The following NFAM1 variants were observed in gnomAD, a reference collection of about 807,000 sequenced individuals.
NFAM1 encodes the protein NFAT activating protein with ITAM motif 1.
Under a neutral mutation model 29.0 loss-of-function variants are expected in NFAM1, and 17 were observed. The observed-to-expected ratio is 0.59, with a 90% CI of 0.40 to 0.88. The LOEUF (loss-of-function observed/expected upper bound fraction) is 0.88, where lower values mean the gene tolerates loss of function less well. Ranked by LOEUF, NFAM1 falls within the 40% of genes least tolerant of loss-of-function variation. The pLI, the probability that NFAM1 is intolerant of heterozygous loss-of-function variation, is 0.00. For missense variants in NFAM1, 324 were observed against 344.6 expected, an observed-to-expected ratio of 0.94 and a Z score of 0.47; for synonymous variants, 175 against 147.2, an observed-to-expected ratio of 1.19 and a Z score of -1.36.
At chr22:42,416,656 G>A (rs757872832) in intron 1 of NFAM1, among the ~76,000 whole-genome samples, 13 of 152,174 alleles carry the variant, frequency 8.5e-5, no homozygotes, top group Non-Finnish European at 1.3e-4. Flanking sequence ...GGCCTGCCCC[G>A]GGGGTGCCTG....
At chr22:42,387,838 C>T (rs1206414564) in intron 4 of NFAM1, among the ~76,000 whole-genome samples, 1 of 152,200 alleles carries the variant, frequency 6.6e-6, no homozygotes, top group Non-Finnish European at 1.5e-5. Flanking sequence ...CCCCCCATAG[C>T]CCAAGCCTCC....
chr22:42,421,677 G>A (rs899041780), intron 1 of NFAM1, among the ~76,000 whole-genome samples: 2 of 152,272 alleles, frequency 1.3e-5, no homozygotes, highest in South Asian at 4.1e-4. Context: ...AGTCAAGGGC[G>A]TGAGGACCCA....
rs367728455 is a variant in NFAM1, at chr22:42,387,251, C to T, written c.664-173G>A. 8.8e-4 allele frequency among the ~76,000 whole-genome samples: 134 copies of T among 152,250 alleles called. 2 individuals are homozygous for T. Among genetic ancestry groups the T allele is most frequent in the African/African-American group, 3.1e-3 (127 of 41,532 alleles). On this transcript the variant is annotated intron_variant, in intron 4 of 5. Transcript: ENST00000329021. ...CTTTCCCAGAGTCACCTTTCCCCTT[C>T]CCTGCCTGTAAAGGGCTGACCCCTC...
intron 1 of NFAM1, among the ~76,000 whole-genome samples, chr22:42,427,665 A>T (rs886656359): frequency 2.6e-5 from 4 of 152,202 alleles, no homozygotes; most frequent in African/African-American, 9.7e-5. Context: ...TAGCAACAAA[A>T]CGAACTTCAG....
Position 42,411,688 on chromosome 22 carries a change from G to T in NFAM1, c.170C>A (p.Ala57Asp). 6.2e-7 allele frequency: 1 copy of T among 1,614,106 alleles called. No individual in the cohort carries two copies. Among genetic ancestry groups the T allele is most frequent in the Non-Finnish European group, 8.5e-7 (1 of 1,179,948 alleles). ...GCAGCTGAAGGAGATAGCTGTGTTG[G>T]CCAGGGAGGCCATGATGGGCAGGCC... Reference protein sequence around the residue: ...HTGLPIMASLANTAISFSCRI... With the variant: ...HTGLPIMASLDNTAISFSCRI... Residue 57 changes from alanine to aspartate, a missense_variant, in exon 2 of 6, where the codon GCC becomes GAC. By Grantham distance (126) the Ala-to-Asp change is moderately radical. Coordinates refer to ENST00000329021, the MANE Select transcript of NFAM1 (RefSeq NM_145912.8).
At chr22:42,390,836 A>AAAAG (rs71184886) in intron 4 of NFAM1, among the ~76,000 whole-genome samples, 1 of 136,568 alleles carries the variant, frequency 7.3e-6, no homozygotes. Context: ...AAAAAAAAAA[A>AAAAG]GAGGGAGCAG....
At position 42,431,077 on chromosome 22, in the gene NFAM1, T is replaced by C. The variant is rs1387928841; in HGVS notation, c.121+1160A>G. 2.6e-5 allele frequency among the ~76,000 whole-genome samples: 4 copies of C among 152,168 alleles called. No homozygotes were observed. The East Asian group carries it at 7.7e-4, about 29-fold the overall frequency. On this transcript the variant is annotated intron_variant, in intron 1 of 5. Coordinates refer to ENST00000329021, the MANE Select transcript of NFAM1 (RefSeq NM_145912.8). ...TAAGTTTCCGGTGAAGAACATTCTTTACAAGTAAGAGGATCCTCTGAGCCT... is the reference window on the plus strand; with the variant it reads ...TAAGTTTCCGGTGAAGAACATTCTTCACAAGTAAGAGGATCCTCTGAGCCT...
rs1287590452 is a variant in NFAM1 at position 42,384,570 on chromosome 22, C to G, written c.*591G>C. ...CTCCAGATCTGTCCCTGATCCTAGTCTTGCCTCTGAGGGGTCCATCATCCT... is the reference window on the plus strand; with the variant it reads ...CTCCAGATCTGTCCCTGATCCTAGTGTTGCCTCTGAGGGGTCCATCATCCT... On this transcript the variant is annotated 3_prime_UTR_variant, in exon 6 of 6. Coordinates refer to ENST00000329021, the MANE Select transcript of NFAM1 (RefSeq NM_145912.8). 1 of 161,560 alleles carries G rather than the reference C, an allele frequency of 6.2e-6. No individual in the cohort carries two copies. The highest frequency in any genetic ancestry group is 1.4e-5 in the Non-Finnish European group (1 of 73,322). The allele number at this position is 161,560 out of a possible 1,614,324, so 10.0% of individuals were successfully genotyped here. A position where few individuals can be genotyped will look rare whatever the true frequency, so the allele number is the denominator to read the frequency against.
At chr22:42,405,754 G>C (rs1001511332) in intron 3 of NFAM1, among the ~76,000 whole-genome samples, 11 of 152,326 alleles carry the variant, frequency 7.2e-5, no homozygotes, top group African/African-American at 2.4e-4. Context: ...AGCCCTCCTG[G>C]ACTTCACAGT....
At chr22:42,437,810 G>A in the NFAM1 span, among the ~76,000 whole-genome samples, 1 of 151,870 alleles carries the variant, frequency 6.6e-6, no homozygotes, top group African/African-American at 2.4e-5. Flanking sequence ...GGGGGTTCCG[G>A]GGGGGTCCGG....
chr22:42,428,849 G>C (rs1028054774), intron 1 of NFAM1, among the ~76,000 whole-genome samples: 6 of 152,190 alleles, frequency 3.9e-5, no homozygotes, highest in African/African-American at 1.4e-4. Context: ...GTCACCAGAA[G>C]AAGGCAGGCC....
At chr22:42,429,373 T>A (rs1930723363) in intron 1 of NFAM1, among the ~76,000 whole-genome samples, 1 of 152,134 alleles carries the variant, frequency 6.6e-6, no homozygotes, top group Non-Finnish European at 1.5e-5. Context: ...CCCAGCACTT[T>A]GGGAGGCCAA....
chr22:42,425,089 T>G (rs1054207978), intron 1 of NFAM1, among the ~76,000 whole-genome samples: 1 of 152,010 alleles, frequency 6.6e-6, no homozygotes, highest in Admixed American at 6.6e-5. Context: ...GCCTGGCTAA[T>G]TTTTTGTATT....
At position 42,381,973 on chromosome 22, in the gene NFAM1, G is replaced by C. The variant is rs1288727857; in HGVS notation, c.*3188C>G. On this transcript the variant is annotated 3_prime_UTR_variant, in exon 6 of 6. Transcript: ENST00000329021. The stretch of plus-strand genomic sequence containing the variant: ...CAGAAGCCTATTCCTTCTGAAGGAC[G>C]AGTCTTGAAGGAAATGCACACCCAC... The C allele has an allele frequency of 6.6e-6, 1 of 152,342 alleles. No individual in the cohort carries two copies. The highest frequency in any genetic ancestry group is 2.4e-5 in the African/African-American group (1 of 41,456). The allele number at this position is 152,342 out of a possible 1,614,324, so 9.4% of individuals were successfully genotyped here.
Position 42,411,545 on chromosome 22 carries a change from T to C in NFAM1, c.313A>G (p.Thr105Ala). Reference protein sequence around the residue: ...KPTNCHPGLGTENQSHTLDCQ... With the variant: ...KPTNCHPGLGAENQSHTLDCQ... ...TCCAGGGTGTGGCTCTGGTTCTCTG[T>C]GCCCAGTCCAGGGTGGCAGTTTGTT... The change falls in exon 2 of 6, where the codon ACA becomes GCA. Residue 105 changes from threonine to alanine, a missense_variant. By Grantham distance (58) the Thr-to-Ala change is moderately conservative (BLOSUM62 0). Coordinates refer to ENST00000329021, the MANE Select transcript of NFAM1 (RefSeq NM_145912.8). 6.2e-7 allele frequency: 1 copy of C among 1,614,206 alleles called. No homozygotes were observed. The highest frequency in any genetic ancestry group is 2.2e-5 in the East Asian group (1 of 44,888).
At chr22:42,429,067 G>C (rs575396029) in intron 1 of NFAM1, among the ~76,000 whole-genome samples, 1 of 152,332 alleles carries the variant, frequency 6.6e-6, no homozygotes, top group South Asian at 2.1e-4. Flanking sequence ...GGGAGGAGGA[G>C]GATGGCTGGG....
chr22:42,426,124 C>T (rs1163872962), intron 1 of NFAM1, among the ~76,000 whole-genome samples: 1 of 152,182 alleles, frequency 6.6e-6, no homozygotes, highest in Non-Finnish European at 1.5e-5. Flanking sequence ...GAGTCCTCTG[C>T]CTCCGGCCAA....
chr22:42,413,880 C>A (rs1375017107), intron 1 of NFAM1, among the ~76,000 whole-genome samples: 1 of 152,198 alleles, frequency 6.6e-6, no homozygotes, highest in African/African-American at 2.4e-5. Context: ...ATGGCAAAAC[C>A]CCGTCTCTAC....
At chr22:42,430,532 C>G (rs561261290) in intron 1 of NFAM1, among the ~76,000 whole-genome samples, 10 of 138,708 alleles carry the variant, frequency 7.2e-5, no homozygotes, top group Admixed American at 2.3e-4. Flanking sequence ...TGCACTTCAG[C>G]CTGAGTGACA....
Sources: allele counts gnomAD v4.1 joint callset (sites outside exome capture counted in the v4.1 genomes callset), GRCh38; gene constraint gnomAD v4.1.1; transcripts MANE v1.5; gene names NCBI Gene and HGNC (gene_info 2026-07-23, HGNC 2026-07-21).